The following QTRT2 variants were observed in gnomAD, a reference collection of about 807,000 sequenced individuals.
QTRT2 encodes the protein queuine tRNA-ribosyltransferase accessory subunit 2.
QTRT2 carries 32 observed loss-of-function variants against 44.8 expected under a neutral mutation model. The ratio of observed to expected loss-of-function variants is 0.71; its 90% CI spans 0.54 to 0.96. The LOEUF (loss-of-function observed/expected upper bound fraction) is 0.96. Ranked by LOEUF, QTRT2 falls within the 40% of genes least tolerant of loss-of-function variation. The pLI is 0.00. For missense variants in QTRT2, 461 were observed against 503.1 expected (o/e 0.92, Z 0.80); for synonymous variants, 182 against 187.4 (o/e 0.97, Z 0.24).
In QTRT2 at chr3:114,085,949, A is replaced by C. The variant is rs1202679824; in HGVS notation, c.*45A>C. ...TCACTCTTCACACTGAGCCTGTACCACTGTTGTAACATGGGAAGACGTGAA... is the reference window on the plus strand; with the variant it reads ...TCACTCTTCACACTGAGCCTGTACCCCTGTTGTAACATGGGAAGACGTGAA... On this transcript the variant is annotated 3_prime_UTR_variant, in exon 10 of 10. Coordinates refer to ENST00000281273, the MANE Select transcript of QTRT2 (RefSeq NM_024638.4). 1.5e-6 allele frequency: 2 copies of C among 1,369,784 alleles called. No individual in the cohort carries two copies. Among genetic ancestry groups the C allele is most frequent in the Non-Finnish European group, 2.1e-6 (2 of 958,080 alleles). The allele number at this position is 1,369,784 out of a possible 1,614,324, so 84.9% of individuals were successfully genotyped here. A position where few individuals can be genotyped will look rare whatever the true frequency, so the allele number is the denominator to read the frequency against.
intron 6 of QTRT2, among the ~76,000 whole-genome samples, chr3:114,071,983 A>T (rs531659648): frequency 6.6e-6 from 1 of 151,942 alleles, no homozygotes; most frequent in South Asian, 2.1e-4. Flanking sequence ...TGTGACTTGC[A>T]CTCTGACCTT....
chr3:114,079,872 C>T (rs1559960993), intron 7 of QTRT2, 34 bp from the exon 8 acceptor site: 2 of 1,605,888 alleles, frequency 1.2e-6, no homozygotes, highest in Non-Finnish European at 1.7e-6. Context: ...CTTGCATTGT[C>T]CTCATGTCAC....
At chr3:114,064,625 G>T (rs751783175) in intron 2 of QTRT2, among the ~76,000 whole-genome samples, 1 of 152,184 alleles carries the variant, frequency 6.6e-6, no homozygotes, top group East Asian at 1.9e-4. Flanking sequence ...TGGATTGCGT[G>T]TATGCTCCAC....
intron 6 of QTRT2, among the ~76,000 whole-genome samples, chr3:114,071,436 T>C (rs2077022882): frequency 1.3e-5 from 2 of 152,226 alleles, no homozygotes; most frequent in South Asian, 4.1e-4. Flanking sequence ...ATAGCTGATA[T>C]TACAGGCATG....
Position 114,071,781 on chromosome 3 carries a change from A to G in QTRT2, c.546+943A>G, listed in dbSNP as rs560143153. 1.4e-4 allele frequency among the ~76,000 whole-genome samples: 21 copies of G among 152,136 alleles called. No homozygotes were observed. In the East Asian group the frequency reaches 3.7e-3, roughly 27 times the overall value. ...CCTTTGAATTCTTCTCTCTGCCTCC[A>G]TTCTCATTTTTATCCAATCCATCTT... is the stretch of plus-strand genomic sequence containing the variant. On this transcript the variant is annotated intron_variant, in intron 6 of 9. Coordinates refer to ENST00000281273, the MANE Select transcript of QTRT2 (RefSeq NM_024638.4).
chr3:114,077,774 C>T (rs2077111370), intron 7 of QTRT2: 1 of 146,160 alleles, frequency 6.8e-6, no homozygotes, highest in Non-Finnish European at 1.5e-5. Flanking sequence ...AGTTCAATGG[C>T]ATGATCTTGG....
intron 5 of QTRT2, among the ~76,000 whole-genome samples, chr3:114,069,724 A>G (rs539908912): frequency 6.6e-6 from 1 of 152,202 alleles, no homozygotes; most frequent in East Asian, 1.9e-4. Flanking sequence ...ATGTGTCCTT[A>G]TGGCGGAATG....
chr3:114,082,267 A>T (rs2077177625), intron 8 of QTRT2, among the ~76,000 whole-genome samples: 1 of 99,408 alleles, frequency 1.0e-5, no homozygotes, highest in Non-Finnish European at 2.1e-5. Flanking sequence ...ACCAACAGTT[A>T]ACTTTTGGTT....
At chr3:114,083,383 T>C (rs1250649852) in intron 9 of QTRT2, among the ~76,000 whole-genome samples, 1 of 152,070 alleles carries the variant, frequency 6.6e-6, no homozygotes, top group East Asian at 1.9e-4. Flanking sequence ...CTTACCTGGC[T>C]GAACATCCCT....
At chr3:114,060,798 A>T (rs1016953530) in intron 2 of QTRT2, among the ~76,000 whole-genome samples, 1 of 151,938 alleles carries the variant, frequency 6.6e-6, no homozygotes, top group African/African-American at 2.4e-5. Flanking sequence ...CAGCATCACA[A>T]CTCTTGTGCT....
At chr3:114,065,601 T>A in intron 3 of QTRT2, 144 bp downstream of exon 3, 1 of 678,894 alleles carries the variant, frequency 1.5e-6, no homozygotes. Context: ...TTTCAAATAT[T>A]ATACATCTTC....
intron 2 of QTRT2, among the ~76,000 whole-genome samples, chr3:114,058,070 A>G (rs1420742253): frequency 2.0e-5 from 3 of 152,264 alleles, no homozygotes; most frequent in Non-Finnish European, 4.4e-5. Context: ...TTTATCATAC[A>G]TAAAATGCAG....
rs746209172 is a variant in QTRT2 at position 114,085,751 on chromosome 3, C to T, written c.1095C>T (p.His365=). 3.1e-6 allele frequency: 5 copies of T among 1,614,192 alleles called. No homozygotes were observed. The highest frequency in any genetic ancestry group is 1.7e-5 in the Admixed American group (1 of 60,016). Reference sequence around the variant, plus strand: ...AGAATCACACTCGGGCATACATCCACCATCTGCTGGTGACCAATGAGCTGC... The same window carrying T: ...AGAATCACACTCGGGCATACATCCATCATCTGCTGGTGACCAATGAGCTGC... The part of the protein sequence containing the change: ...CCKNHTRAYI[H]HLLVTNELLA... The change falls in exon 10 of 10, where the codon CAC becomes CAT. Residue 365 remains histidine (H), a synonymous_variant. Transcript: ENST00000281273.
At chr3:114,070,329 G>A (rs1435522025) in intron 5 of QTRT2, among the ~76,000 whole-genome samples, 4 of 152,122 alleles carry the variant, frequency 2.6e-5, no homozygotes, top group African/African-American at 9.7e-5. Context: ...ATCAAAGTCT[G>A]TGGTATATTC....
At chr3:114,075,603 G>T (rs569242586) in intron 6 of QTRT2, among the ~76,000 whole-genome samples, 1 of 149,190 alleles carries the variant, frequency 6.7e-6, no homozygotes, top group African/African-American at 2.5e-5. Flanking sequence ...CCTCCTCCTC[G>T]GCTCAAGCGA....
intron 5 of QTRT2, 83 bp from the exon 6 acceptor site, chr3:114,070,543 A>G (rs1577526256): frequency 8.3e-7 from 1 of 1,208,646 alleles, no homozygotes; most frequent in East Asian, 2.5e-5. Flanking sequence ...TGTAAAGAAG[A>G]ATTATTGCTT....
intron 6 of QTRT2, among the ~76,000 whole-genome samples, chr3:114,071,560 A>G (rs965791638): frequency 6.6e-6 from 1 of 152,072 alleles, no homozygotes; most frequent in African/African-American, 2.4e-5. Context: ...CTGCCTCCCA[A>G]AGTGCTGGGA....
In QTRT2 at chr3:114,068,021, C is replaced by G; in HGVS notation, c.291C>G (p.His97Gln). The G allele has an allele frequency of 6.2e-7, 1 of 1,613,848 alleles. No individual in the cohort carries two copies. The highest frequency in any genetic ancestry group is 8.5e-7 in the Non-Finnish European group (1 of 1,179,842). ...MPESLLYCSL[H>Q]DPVSPCPAGY... ...AATCACTCTTGTACTGCTCCCTGCA[C>G]GATCCAGTCAGCCCCTGCCCGGCTG... The change falls in exon 5 of 10, where the codon CAC becomes CAG. Residue 97 changes from histidine to glutamine, a missense_variant. His to Gln is a conservative substitution (Grantham distance 24). Coordinates refer to ENST00000281273, the MANE Select transcript of QTRT2 (RefSeq NM_024638.4).
intron 2 of QTRT2, among the ~76,000 whole-genome samples, chr3:114,063,112 C>G (rs1259064830): frequency 1.3e-5 from 2 of 152,126 alleles, no homozygotes; most frequent in African/African-American, 2.4e-5. Context: ...TTCATTAGTT[C>G]TTATTTGTGT....
Sources: gnomAD v4.1 joint callset for allele counts (sites outside exome capture counted in the v4.1 genomes callset) on GRCh38, gnomAD v4.1.1 for gene constraint, MANE v1.5 for transcripts, NCBI Gene and HGNC (gene_info 2026-07-23, HGNC 2026-07-21) for gene names.